The following GLIS3 variants were observed in gnomAD, a reference collection of about 807,000 sequenced individuals.
GLIS3 encodes the protein zinc finger protein GLIS3.
In GLIS3, 53 loss-of-function variants were observed where a neutral mutation model predicts 78.6. The observed-to-expected ratio is 0.67, with a 90% CI of 0.54 to 0.85. GLIS3 has a LOEUF of 0.85. Ranked by LOEUF, GLIS3 falls within the 40% of genes least tolerant of loss-of-function variation. The probability of loss-of-function intolerance (pLI) is 0.00; values close to 1 mark genes in which losing one functional copy is unlikely to be tolerated. For synonymous variants in GLIS3, 684 were observed against 509.9 expected (o/e 1.34, Z -4.60); for missense variants, 1,703 against 1,231.1 (o/e 1.38, Z -5.74).
intron 4 of GLIS3, among the ~76,000 whole-genome samples, chr9:3,957,860 A>G (rs1361756409): frequency 6.6e-6 from 1 of 152,248 alleles, no homozygotes; most frequent in African/African-American, 2.4e-5. Context: ...AAGGCTGTGC[A>G]AAATGCTCTG....
At chr9:4,271,369 C>T (rs1587247301) in intron 2 of GLIS3, among the ~76,000 whole-genome samples, 2 of 152,298 alleles carry the variant, frequency 1.3e-5, no homozygotes, top group East Asian at 1.9e-4. Context: ...CAAATTTCAA[C>T]TGCATGGGGG....
chr9:4,036,150 T>A (rs551549197), intron 4 of GLIS3, among the ~76,000 whole-genome samples: 2 of 152,350 alleles, frequency 1.3e-5, no homozygotes, highest in East Asian at 3.9e-4. Flanking sequence ...GATTTTCCTT[T>A]ACCGTTTGAA....
intron 2 of GLIS3, among the ~76,000 whole-genome samples, chr9:4,207,697 G>C (rs554836295): frequency 6.6e-6 from 1 of 152,280 alleles, no homozygotes; most frequent in East Asian, 1.9e-4. Context: ...AAAAGCAGGA[G>C]AGAGAGGATA....
intron 2 of GLIS3, among the ~76,000 whole-genome samples, chr9:4,278,265 C>G (rs1827207117): frequency 6.6e-6 from 1 of 152,172 alleles, no homozygotes; most frequent in African/African-American, 2.4e-5. Flanking sequence ...AATGACATCC[C>G]ACAGTCAACA....
chr9:4,133,857 CACACACACACACACA>C (rs1833172301), intron 2 of GLIS3, among the ~76,000 whole-genome samples: 4 of 94,724 alleles, frequency 4.2e-5, no homozygotes, highest in African/African-American at 1.6e-4. Context: ...CACACACACA[CACACACACACACACA>C]CACCGTACAT....
intron 2 of GLIS3, among the ~76,000 whole-genome samples, chr9:4,128,828 G>A (rs1016009376): frequency 6.6e-6 from 1 of 152,104 alleles, no homozygotes; most frequent in Non-Finnish European, 1.5e-5. Context: ...TATCTCCCTA[G>A]TATCTCCACA....
At chr9:4,394,550 G>A in the GLIS3 span, among the ~76,000 whole-genome samples, 2 of 152,192 alleles carry the variant, frequency 1.3e-5, no homozygotes, top group East Asian at 3.9e-4. Context: ...GTGTATTGTT[G>A]AGTGGGTGGA....
intron 7 of GLIS3, among the ~76,000 whole-genome samples, chr9:3,895,310 T>C (rs74615972): frequency 0.011 from 1,638 of 152,320 alleles, 27 homozygotes; most frequent in African/African-American, 0.037. Context: ...CATTATTATA[T>C]GGAACACAGA....
At chr9:4,438,732 G>T in the GLIS3 span, among the ~76,000 whole-genome samples, 1 of 152,148 alleles carries the variant, frequency 6.6e-6, no homozygotes, top group Non-Finnish European at 1.5e-5. Flanking sequence ...AGATCTGATT[G>T]TTCTATAAAT....
chr9:4,353,776 A>G, the GLIS3 span, among the ~76,000 whole-genome samples: 1 of 152,076 alleles, frequency 6.6e-6, no homozygotes, highest in Non-Finnish European at 1.5e-5. Context: ...TATGTTCTGA[A>G]TTATATGTGT....
chr9:3,859,367 ACAC>A (rs1563784407), intron 8 of GLIS3, among the ~76,000 whole-genome samples: 1 of 13,504 alleles, frequency 7.4e-5, no homozygotes, highest in African/African-American at 1.6e-4. Context: ...ACACACACAC[ACAC>A]ACACACACAC....
the GLIS3 span, among the ~76,000 whole-genome samples, chr9:4,483,036 T>C: frequency 6.6e-6 from 1 of 152,238 alleles, no homozygotes; most frequent in East Asian, 1.9e-4. Context: ...GGCCAAGTTC[T>C]TTCAAGTAGA....
At chr9:4,086,602 G>T (rs1396686047) in intron 4 of GLIS3, among the ~76,000 whole-genome samples, 1 of 152,238 alleles carries the variant, frequency 6.6e-6, no homozygotes, top group Non-Finnish European at 1.5e-5. Context: ...TGTGTCTCCA[G>T]AGAGGAAGGA....
At chr9:4,393,053 G>A in the GLIS3 span, among the ~76,000 whole-genome samples, 3 of 151,834 alleles carry the variant, frequency 2.0e-5, no homozygotes, top group Non-Finnish European at 2.9e-5. Flanking sequence ...CTTGCATAAT[G>A]GTGTGTAAAA....
At chr9:4,419,532 G>C in the GLIS3 span, among the ~76,000 whole-genome samples, 35 of 152,162 alleles carry the variant, frequency 2.3e-4, no homozygotes. Flanking sequence ...GCTCATGCTT[G>C]TAATCCCAGC....
chr9:4,110,030 A>T (rs1325825508), intron 4 of GLIS3, among the ~76,000 whole-genome samples: 1 of 152,206 alleles, frequency 6.6e-6, no homozygotes, highest in African/African-American at 2.4e-5. Context: ...TGTTTACACA[A>T]CTGTCACCCC....
At chr9:4,225,454 C>G (rs528731295) in intron 2 of GLIS3, among the ~76,000 whole-genome samples, 1 of 152,156 alleles carries the variant, frequency 6.6e-6, no homozygotes. Context: ...CATTGGAATT[C>G]AGTGATGGCA....
intron 2 of GLIS3, among the ~76,000 whole-genome samples, chr9:4,207,192 C>T (rs1161409957): frequency 6.6e-6 from 1 of 152,190 alleles, no homozygotes; most frequent in Non-Finnish European, 1.5e-5. Flanking sequence ...CCCCACCTCC[C>T]CTCCCGACAC....
At chr9:4,232,208 T>C (rs1822316469) in intron 2 of GLIS3, among the ~76,000 whole-genome samples, 1 of 151,828 alleles carries the variant, frequency 6.6e-6, no homozygotes, top group Non-Finnish European at 1.5e-5. Flanking sequence ...CAAGATTCTG[T>C]CTCTACAGAA....
Sources: allele counts gnomAD v4.1 joint callset (sites outside exome capture counted in the v4.1 genomes callset), GRCh38; gene constraint gnomAD v4.1.1; transcripts MANE v1.5; gene names NCBI Gene and HGNC (gene_info 2026-07-23, HGNC 2026-07-21).